The following PTPN3 variants were observed in gnomAD, a reference collection of about 807,000 sequenced individuals.
The protein encoded by PTPN3 is protein tyrosine phosphatase non-receptor type 3.
A neutral mutation model predicts 132.7 loss-of-function variants in PTPN3; 96 were observed. The observed-to-expected ratio is 0.72, with a 90% CI of 0.61 to 0.86. PTPN3 has a LOEUF of 0.86. Ranked by LOEUF, PTPN3 falls within the 40% of genes least tolerant of loss-of-function variation. The probability of loss-of-function intolerance (pLI) is 0.00; values close to 1 mark genes in which losing one functional copy is unlikely to be tolerated. For missense variants in PTPN3, 1,125 were observed against 1,159.6 expected (o/e 0.97, Z 0.43); for synonymous variants, 398 against 429.0 (o/e 0.93, Z 0.89).
At chr9:109,427,307 G>C (rs943460008) in intron 11 of PTPN3, among the ~76,000 whole-genome samples, 185 bp from the exon 12 acceptor site, 11 of 152,222 alleles carry the variant, frequency 7.2e-5, no homozygotes, top group Admixed American at 7.2e-4. Flanking sequence ...CCGTCTTTAT[G>C]AACATGGTAA....
rs376594856 is a variant in PTPN3 at position 109,439,915 on chromosome 9, GA to G, written c.467-1682del. Among the ~76,000 whole-genome samples the G allele has an allele frequency of 7.6e-3, 923 of 122,038 alleles. 4 individuals are homozygous for G. Among genetic ancestry groups the G allele is most frequent in the African/African-American group, 7.2e-3 (238 of 32,860 alleles). The allele number at this position is 122,038 out of a possible 152,430, so 80.1% of individuals were successfully genotyped here. ...CACAGCCAGACTCTGTCTCAAAAAA[GA>G]AAAAAAAAAAAAGGGAAGATGCAAA... On this transcript the variant is annotated intron_variant, in intron 7 of 25. Transcript: ENST00000374541.
At chr9:109,491,779 G>T (rs1333751127) in intron 1 of PTPN3, among the ~76,000 whole-genome samples, 1 of 152,204 alleles carries the variant, frequency 6.6e-6, no homozygotes, top group African/African-American at 2.4e-5. Context: ...CAGTGGGGAG[G>T]GGGAGAAGGT....
At chr9:109,408,454 C>A (rs1841755627) in intron 16 of PTPN3, 77 bp from the exon 17 acceptor site, 6 of 1,106,904 alleles carry the variant, frequency 5.4e-6, no homozygotes, top group Non-Finnish European at 7.9e-6. Flanking sequence ...ACGAGTAGCT[C>A]ACAGCATCAA....
the PTPN3 span, among the ~76,000 whole-genome samples, chr9:109,526,434 G>T: frequency 1.3e-5 from 2 of 151,726 alleles, no homozygotes; most frequent in African/African-American, 4.8e-5. Context: ...ACACTTTGTG[G>T]GGCTGAGGTG....
At chr9:109,459,288 A>G (rs79431966) in intron 2 of PTPN3, among the ~76,000 whole-genome samples, 1 of 152,364 alleles carries the variant, frequency 6.6e-6, no homozygotes, top group South Asian at 2.1e-4. Flanking sequence ...ACTGATATCC[A>G]AGTCAGCTTC....
At chr9:109,506,565 T>C in the PTPN3 span, among the ~76,000 whole-genome samples, 7 of 149,104 alleles carry the variant, frequency 4.7e-5, no homozygotes, top group Non-Finnish European at 1.0e-4. Context: ...CCTCCTTTCC[T>C]TCCTTCCTTC....
chr9:109,480,366 T>C (rs1314527534), intron 1 of PTPN3, among the ~76,000 whole-genome samples: 1 of 152,138 alleles, frequency 6.6e-6, no homozygotes, highest in Non-Finnish European at 1.5e-5. Context: ...GGTTTCACCA[T>C]GTTGCCCAGG....
chr9:109,461,402 G>C (rs1845837961), intron 2 of PTPN3, among the ~76,000 whole-genome samples: 1 of 152,120 alleles, frequency 6.6e-6, no homozygotes, highest in African/African-American at 2.4e-5. Flanking sequence ...CCAAAGCTGA[G>C]CAATCTAAAG....
the PTPN3 span, among the ~76,000 whole-genome samples, chr9:109,529,929 G>A: frequency 6.6e-6 from 1 of 151,514 alleles, no homozygotes; most frequent in African/African-American, 2.4e-5. Flanking sequence ...TTTATTTATT[G>A]TAGAGACGGG....
chr9:109,525,742 G>A, the PTPN3 span, among the ~76,000 whole-genome samples: 91 of 152,236 alleles, frequency 6.0e-4, no homozygotes, highest in African/African-American at 2.0e-3. Flanking sequence ...TTCTCTAGTC[G>A]TTTTTGCAGA....
chr9:109,506,204 T>C, the PTPN3 span, among the ~76,000 whole-genome samples: 3 of 152,154 alleles, frequency 2.0e-5, no homozygotes, highest in Non-Finnish European at 2.9e-5. Context: ...TCATCCACCA[T>C]GCTCTCCTGG....
Position 109,455,769 on chromosome 9 carries a change from C to T in PTPN3, c.290-1195G>A, listed in dbSNP as rs143777510. On this transcript the variant is annotated intron_variant, in intron 4 of 25. Coordinates refer to ENST00000374541, the MANE Select transcript of PTPN3 (RefSeq NM_002829.4). ...TGTGCTTACTATTATCATAGAATGT[C>T]GAACCCTCTGGGCTGTCTGCACACT... is the stretch of plus-strand genomic sequence containing the variant. Among the ~76,000 whole-genome samples the T allele has an allele frequency of 1.7e-3, 259 of 152,300 alleles. 2 individuals are homozygous for T. Among genetic ancestry groups the T allele is most frequent in the African/African-American group, 5.9e-3 (247 of 41,560 alleles).
rs540774727 is a variant in PTPN3, at chr9:109,481,397, T to C, written c.-18+16822A>G. On this transcript the variant is annotated intron_variant, in intron 1 of 25. Coordinates refer to ENST00000374541, the MANE Select transcript of PTPN3 (RefSeq NM_002829.4). The stretch of plus-strand genomic sequence containing the variant: ...CCAAAGGGGATGGGGAAATGAACCC[T>C]GAGTCCTAGATCTCATTCTGCTCCA... 1.2e-4 allele frequency among the ~76,000 whole-genome samples: 19 copies of C among 152,320 alleles called. No homozygotes were observed. The East Asian group carries it at 2.9e-3, about 23-fold the overall frequency.
At chr9:109,416,588 C>G (rs139632615) in intron 14 of PTPN3, among the ~76,000 whole-genome samples, 1 of 151,690 alleles carries the variant, frequency 6.6e-6, no homozygotes, top group Non-Finnish European at 1.5e-5. Context: ...CAGGACAACA[C>G]GCAGACAACA....
At chr9:109,431,997 G>A (rs1045213846) in intron 10 of PTPN3, among the ~76,000 whole-genome samples, 5 of 149,728 alleles carry the variant, frequency 3.3e-5, no homozygotes, top group Admixed American at 1.3e-4. Flanking sequence ...TATTAATAAC[G>A]ATAATTTTGT....
intron 4 of PTPN3, among the ~76,000 whole-genome samples, chr9:109,455,400 T>C (rs1845511555): frequency 6.6e-6 from 1 of 152,228 alleles, no homozygotes. Context: ...ATCTAGGCAC[T>C]GAGCACTTTC....
rs1245384865 is a variant in PTPN3 at position 109,406,481 on chromosome 9, G to T, written c.1773C>A (p.Ala591=). 5.6e-6 allele frequency: 9 copies of T among 1,613,894 alleles called. No homozygotes were observed. In the South Asian group the frequency reaches 9.9e-5, roughly 18 times the overall value. The change falls in exon 18 of 26, where the codon GCC becomes GCA. Residue 591 remains alanine, a synonymous_variant. Transcript: ENST00000374541. ...ASRESHSREL[A]LVIRRRAVRS... ...CATTACCTCTCCTCCTGATCACCAGGGCCAGCTCCCGTGAGTGGGACTCCC... is the reference window on the plus strand; with the variant it reads ...CATTACCTCTCCTCCTGATCACCAGTGCCAGCTCCCGTGAGTGGGACTCCC...
intron 7 of PTPN3, among the ~76,000 whole-genome samples, chr9:109,440,013 C>G (rs931052020): frequency 1.3e-5 from 2 of 152,196 alleles, no homozygotes; most frequent in African/African-American, 4.8e-5. Flanking sequence ...AGATCCACAC[C>G]ATAACGAAGG....
At chr9:109,510,558 T>TAAAAAAAA in the PTPN3 span, among the ~76,000 whole-genome samples, 13 of 74,148 alleles carry the variant, frequency 1.8e-4, no homozygotes, top group African/African-American at 6.4e-4. Flanking sequence ...AACTTTGTCT[T>TAAAAAAAA]AAAAAAAAAA....
Sources: gnomAD v4.1 joint callset for allele counts (sites outside exome capture counted in the v4.1 genomes callset) on GRCh38, gnomAD v4.1.1 for gene constraint, MANE v1.5 for transcripts, NCBI Gene and HGNC (gene_info 2026-07-23, HGNC 2026-07-21) for gene names.